The following AKT3 variants were observed in gnomAD, a reference collection of about 807,000 sequenced individuals.
AKT3 encodes AKT serine/threonine kinase 3, also known as RAC-gamma serine/threonine-protein kinase.
A neutral mutation model predicts 65.3 loss-of-function variants in AKT3; 15 were observed. That is an observed-to-expected ratio of 0.23 (90% CI 0.15 to 0.35). AKT3 has a LOEUF of 0.35. Among genes scored for constraint, AKT3 ranks in the 10% least tolerant of loss-of-function variants. The pLI, the probability that AKT3 is intolerant of heterozygous loss-of-function variation, is 1.00. For missense variants in AKT3, 243 were observed against 576.5 expected (o/e 0.42, Z 5.92); for synonymous variants, 206 against 183.8 (o/e 1.12, Z -0.98).
intron 6 of AKT3, among the ~76,000 whole-genome samples, chr1:243,623,048 G>C (rs1456637865): frequency 2.0e-5 from 3 of 152,160 alleles, no homozygotes; most frequent in Non-Finnish European, 2.9e-5. Context: ...CCAACTCCTG[G>C]GAAATGAATT....
chr1:243,664,165 T>C (rs897960101), intron 4 of AKT3, among the ~76,000 whole-genome samples: 11 of 149,348 alleles, frequency 7.4e-5, no homozygotes, highest in African/African-American at 2.5e-4. Context: ...TTAAAAAAGG[T>C]AGTTTGGCTA....
In AKT3 at chr1:243,843,256, C is replaced by G. The variant is rs1695356898; in HGVS notation, c.-86G>C. ...GTTTGGATTCTCTGCTGCTGCTGCC[C>G]TTCCCACTCTCTAGTGATGACTCAG... On this transcript the variant is annotated 5_prime_UTR_variant, in exon 2 of 14. Transcript: ENST00000673466. The G allele has an allele frequency of 1.3e-6, 2 of 1,543,622 alleles. No homozygotes were observed. Among genetic ancestry groups the G allele is most frequent in the Non-Finnish European group, 1.8e-6 (2 of 1,140,498 alleles).
At chr1:243,746,904 T>G (rs1572269213) in intron 2 of AKT3, among the ~76,000 whole-genome samples, 2 of 146,518 alleles carry the variant, frequency 1.4e-5, no homozygotes. Flanking sequence ...ACATGGGGGG[T>G]GGGGGGCAGT....
At chr1:243,638,832 A>G (rs900974099) in intron 5 of AKT3, among the ~76,000 whole-genome samples, 2 of 152,156 alleles carry the variant, frequency 1.3e-5, no homozygotes, top group African/African-American at 4.8e-5. Flanking sequence ...CAAACTTAAA[A>G]AAAAAGCAAG....
At chr1:243,786,347 A>C (rs536876359) in intron 2 of AKT3, among the ~76,000 whole-genome samples, 1 of 152,258 alleles carries the variant, frequency 6.6e-6, no homozygotes, top group Non-Finnish European at 1.5e-5. Flanking sequence ...TGAAAATAGA[A>C]GTAAAAATTT....
At chr1:243,492,295 C>CTTTTTTTTTTTTT (rs33950392) in intron 13 of AKT3, among the ~76,000 whole-genome samples, 2 of 63,124 alleles carry the variant, frequency 3.2e-5, no homozygotes, top group Non-Finnish European at 5.3e-5. Context: ...CGTTTCTTGG[C>CTTTTTTTTTTTTT]TTTTTTTTTT....
chr1:243,843,325 CAA>C, intron 1 of AKT3, 43 bp from the exon 2 acceptor site: 2 of 1,374,778 alleles, frequency 1.5e-6, no homozygotes, highest in South Asian at 4.0e-5. Flanking sequence ...TCCATTCTTG[CAA>C]CTCACAGAGC....
chr1:243,755,078 G>T (rs1300444913), intron 2 of AKT3, among the ~76,000 whole-genome samples: 1 of 151,764 alleles, frequency 6.6e-6, no homozygotes, highest in Non-Finnish European at 1.5e-5. Context: ...ATTATTATTG[G>T]TTTTTTTGGA....
chr1:243,795,475 GGTT>G (rs1691926920), intron 2 of AKT3, among the ~76,000 whole-genome samples: 1 of 88,016 alleles, frequency 1.1e-5, no homozygotes, highest in Non-Finnish European at 1.9e-5. Context: ...TTTTTTTTTT[GGTT>G]TTTTTTTTTT....
At chr1:243,690,990 G>A (rs1236159274) in intron 3 of AKT3, among the ~76,000 whole-genome samples, 6 of 152,142 alleles carry the variant, frequency 3.9e-5, no homozygotes, top group Non-Finnish European at 4.4e-5. Context: ...ATAACTTACT[G>A]ATCAGTGAAT....
At chr1:243,708,427 T>G (rs1685942478) in intron 2 of AKT3, among the ~76,000 whole-genome samples, 1 of 152,008 alleles carries the variant, frequency 6.6e-6, no homozygotes, top group Non-Finnish European at 1.5e-5. Context: ...CATAGAAATT[T>G]CAGAAAACAA....
chr1:243,831,034 T>C (rs1028442727), intron 2 of AKT3, among the ~76,000 whole-genome samples: 1 of 152,190 alleles, frequency 6.6e-6, no homozygotes, highest in African/African-American at 2.4e-5. Flanking sequence ...CTTTCATAAC[T>C]GTGATCTAGT....
chr1:243,532,666 G>A (rs1671620624), intron 12 of AKT3, among the ~76,000 whole-genome samples: 1 of 152,168 alleles, frequency 6.6e-6, no homozygotes, highest in African/African-American at 2.4e-5. Flanking sequence ...CCTTCATAGA[G>A]CAAGTGAGAG....
intron 2 of AKT3, among the ~76,000 whole-genome samples, chr1:243,704,245 G>A (rs1293124772): frequency 6.6e-6 from 1 of 152,090 alleles, no homozygotes; most frequent in East Asian, 1.9e-4. Context: ...CGGGCTAACA[G>A]TTATTCAATC....
intron 2 of AKT3, chr1:243,741,884 CTTTA>C (rs1688171567): frequency 2.0e-5 from 3 of 151,918 alleles, no homozygotes; most frequent in Admixed American, 1.3e-4. Context: ...ATGAAAAGGA[CTTTA>C]TTTTTCTCAA....
intron 2 of AKT3, among the ~76,000 whole-genome samples, chr1:243,742,122 T>C (rs770250330): frequency 3.3e-5 from 5 of 150,240 alleles, no homozygotes; most frequent in Admixed American, 6.6e-5. Flanking sequence ...TGTTACACCA[T>C]TGTATATAAG....
At chr1:243,509,338 G>A (rs1669875222) in intron 13 of AKT3, among the ~76,000 whole-genome samples, 1 of 152,112 alleles carries the variant, frequency 6.6e-6, no homozygotes, top group African/African-American at 2.4e-5. Context: ...CCTAGAGATT[G>A]AGCAATAAAA....
chr1:243,632,709 A>C (rs185831557), intron 6 of AKT3, among the ~76,000 whole-genome samples: 46 of 152,308 alleles, frequency 3.0e-4, no homozygotes, highest in Admixed American at 2.3e-3. Flanking sequence ...TCGTGTAGTC[A>C]TCTTCACCAA....
chr1:243,564,958 A>G (rs987649920), intron 9 of AKT3, among the ~76,000 whole-genome samples: 2 of 152,198 alleles, frequency 1.3e-5, no homozygotes, highest in Non-Finnish European at 2.9e-5. Context: ...GAACATAAAC[A>G]TATCAGTCAT....
Sources: allele counts gnomAD v4.1 joint callset (sites outside exome capture counted in the v4.1 genomes callset), GRCh38; gene constraint gnomAD v4.1.1; transcripts MANE v1.5; gene names NCBI Gene and HGNC (gene_info 2026-07-23, HGNC 2026-07-21).